Variants in ENTREP2 observed in about 807,000 individuals in gnomAD.
The protein encoded by ENTREP2 is endosomal transmembrane epsin interactor 2, also known as protein ENTREP2.
At chr15:29,128,691 AAAGAG>A in the ENTREP2 span, 4,972 of 943,244 alleles carry the variant, frequency 5.3e-3, 119 homozygotes, top group African/African-American at 0.056. Flanking sequence ...GGAGGAGGAA[AAAGAG>A]AAGAGAAGAG....
the ENTREP2 span, among the ~76,000 whole-genome samples, chr15:29,236,426 G>A: frequency 7.2e-5 from 11 of 152,082 alleles, no homozygotes; most frequent in Non-Finnish European, 1.0e-4. Context: ...TGGGAGGATC[G>A]CTGGATTCCA....
At chr15:29,604,441 GATAAA>G in the ENTREP2 span, among the ~76,000 whole-genome samples, 130 of 152,236 alleles carry the variant, frequency 8.5e-4, 1 homozygote, top group Admixed American at 4.1e-3. Context: ...TTTTGAAAGT[GATAAA>G]ATAAACTGTT....
chr15:29,387,565 A>T, the ENTREP2 span, among the ~76,000 whole-genome samples: 12 of 152,220 alleles, frequency 7.9e-5, no homozygotes, highest in African/African-American at 2.9e-4. Flanking sequence ...TATAGATTCA[A>T]TGCCATCCCC....
the ENTREP2 span, among the ~76,000 whole-genome samples, chr15:29,649,744 AAGAAAGAAAG>A: frequency 3.4e-5 from 5 of 148,590 alleles, no homozygotes; most frequent in African/African-American, 1.3e-4. Flanking sequence ...AAAAAAAAAA[AAGAAAGAAAG>A]AAAGAAAAAA....
At chr15:29,528,009 G>A in the ENTREP2 span, among the ~76,000 whole-genome samples, 38 of 152,024 alleles carry the variant, frequency 2.5e-4, no homozygotes, top group South Asian at 8.3e-4. Flanking sequence ...TGCAGACACC[G>A]TGCATTCATC....
At chr15:29,306,664 ATTTTTTTTTT>A in the ENTREP2 span, among the ~76,000 whole-genome samples, 6 of 77,320 alleles carry the variant, frequency 7.8e-5, no homozygotes, top group East Asian at 7.6e-4. Context: ...ATAATTGGTA[ATTTTTTTTTT>A]TTTTTTTTTT....
the ENTREP2 span, among the ~76,000 whole-genome samples, chr15:29,652,596 G>A: frequency 2.6e-5 from 4 of 152,196 alleles, no homozygotes; most frequent in Non-Finnish European, 4.4e-5. Flanking sequence ...CCCTCTTTGA[G>A]GCCCTGCGGT....
chr15:29,357,040 C>T, the ENTREP2 span, among the ~76,000 whole-genome samples: 4 of 152,080 alleles, frequency 2.6e-5, no homozygotes, highest in Non-Finnish European at 5.9e-5. Flanking sequence ...GAAACAGACA[C>T]ACAGAGATAC....
At chr15:29,371,811 A>C in the ENTREP2 span, among the ~76,000 whole-genome samples, 1 of 152,142 alleles carries the variant, frequency 6.6e-6, no homozygotes, top group Admixed American at 6.6e-5. Context: ...AGAAAAAGAG[A>C]AAGAAAACAT....
the ENTREP2 span, among the ~76,000 whole-genome samples, chr15:29,316,588 T>C: frequency 6.6e-6 from 1 of 152,316 alleles, no homozygotes; most frequent in Non-Finnish European, 1.5e-5. Context: ...CTTGCTTTCT[T>C]CATCCAAGGG....
chr15:29,215,123 T>C, the ENTREP2 span, among the ~76,000 whole-genome samples: 2 of 152,164 alleles, frequency 1.3e-5, no homozygotes, highest in Non-Finnish European at 2.9e-5. Flanking sequence ...GGAGCTCCAG[T>C]GTTAGGTGCA....
chr15:29,247,358 G>T, the ENTREP2 span, among the ~76,000 whole-genome samples: 4 of 152,060 alleles, frequency 2.6e-5, no homozygotes, highest in African/African-American at 9.7e-5. Flanking sequence ...CCAAGTCTTG[G>T]CAAAAGAAAA....
chr15:29,641,473 T>C, the ENTREP2 span, among the ~76,000 whole-genome samples: 2 of 152,190 alleles, frequency 1.3e-5, no homozygotes, highest in African/African-American at 2.4e-5. Flanking sequence ...AGTTTCAGGA[T>C]ACAAGATCAA....
At chr15:29,291,238 G>T in the ENTREP2 span, among the ~76,000 whole-genome samples, 5 of 152,192 alleles carry the variant, frequency 3.3e-5, no homozygotes, top group African/African-American at 7.2e-5. Flanking sequence ...TTAAGCCATT[G>T]AAATTTCAAG....
At chr15:29,244,222 G>T in the ENTREP2 span, among the ~76,000 whole-genome samples, 1 of 152,134 alleles carries the variant, frequency 6.6e-6, no homozygotes, top group African/African-American at 2.4e-5. Context: ...TAAAAGGATG[G>T]TGATAAAATT....
the ENTREP2 span, among the ~76,000 whole-genome samples, chr15:29,179,836 C>T: frequency 6.6e-6 from 1 of 152,132 alleles, no homozygotes; most frequent in African/African-American, 2.4e-5. Context: ...CTGCCCACCT[C>T]GGCCTCCCAA....
At chr15:29,233,645 G>A in the ENTREP2 span, 4 of 848,276 alleles carry the variant, frequency 4.7e-6, no homozygotes, top group East Asian at 9.7e-5. Context: ...CTTAGTTTAT[G>A]CACTGTAATA....
the ENTREP2 span, among the ~76,000 whole-genome samples, chr15:29,402,426 C>T: frequency 6.6e-6 from 1 of 152,030 alleles, no homozygotes; most frequent in Admixed American, 6.6e-5. Flanking sequence ...AGTGATCCTC[C>T]CATTTCGGCC....
At chr15:29,526,577 C>T in the ENTREP2 span, among the ~76,000 whole-genome samples, 1,771 of 152,214 alleles carry the variant, frequency 0.012, 26 homozygotes, top group African/African-American at 0.041. Context: ...AATCCTCCCA[C>T]CTCAGCCTCC....
Sources: allele counts gnomAD v4.1 joint callset (sites outside exome capture counted in the v4.1 genomes callset), GRCh38; gene constraint gnomAD v4.1.1; transcripts MANE v1.5; gene names NCBI Gene and HGNC (gene_info 2026-07-23, HGNC 2026-07-21).